YAE1: variants seen among roughly 807,000 people sequenced by gnomAD.
YAE1 encodes YAE1 maturation factor of ABCE1.
In YAE1, 22 loss-of-function variants were observed where a neutral mutation model predicts 23.0. The ratio of observed to expected loss-of-function variants is 0.96; its 90% CI spans 0.68 to 1.37. The LOEUF is 1.37. YAE1 is among the 40% of genes most tolerant of loss of function. YAE1 has a pLI of 0.00. For synonymous variants in YAE1, 101 were observed against 97.0 expected (o/e 1.04, Z -0.24); for missense variants, 260 against 262.1 (o/e 0.99, Z 0.06).
intron 2 of YAE1, among the ~76,000 whole-genome samples, chr7:39,587,403 A>T (rs974803252): frequency 1.3e-5 from 2 of 152,152 alleles, no homozygotes; most frequent in African/African-American, 4.8e-5. Context: ...AAAAAAAGAA[A>T]TCAAGTGTCC....
chr7:39,586,373 C>T (rs1176537669), intron 2 of YAE1, among the ~76,000 whole-genome samples: 1 of 150,114 alleles, frequency 6.7e-6, no homozygotes, highest in Non-Finnish European at 1.5e-5. Context: ...GGGGTTTCAC[C>T]GTGTTAGTCA....
At chr7:39,605,287 C>T (rs1791112924) in intron 2 of YAE1, among the ~76,000 whole-genome samples, 1 of 152,130 alleles carries the variant, frequency 6.6e-6, no homozygotes, top group Non-Finnish European at 1.5e-5. Flanking sequence ...GTCATCTTGG[C>T]TGAGCCATAA....
chr7:39,570,058 C>G, intron 1 of YAE1: 1 of 1,287,306 alleles, frequency 7.8e-7, no homozygotes, highest in Non-Finnish European at 1.1e-6. Context: ...ATTGTATCAT[C>G]CAGCCTCCTT....
At chr7:39,600,457 G>T (rs1274717499) in intron 2 of YAE1, among the ~76,000 whole-genome samples, 1 of 151,990 alleles carries the variant, frequency 6.6e-6, no homozygotes, top group Non-Finnish European at 1.5e-5. Flanking sequence ...GAGTGCAGTG[G>T]CACTATCTCA....
chr7:39,580,633 T>C (rs1320914036), intron 2 of YAE1, among the ~76,000 whole-genome samples: 1 of 152,198 alleles, frequency 6.6e-6, no homozygotes, highest in Non-Finnish European at 1.5e-5. Flanking sequence ...TTAGCACGTG[T>C]TTCATTCCTT....
chr7:39,603,103 G>A (rs1246184802), intron 2 of YAE1, among the ~76,000 whole-genome samples: 1 of 151,932 alleles, frequency 6.6e-6, no homozygotes, highest in African/African-American at 2.4e-5. Context: ...AAGACCCAAA[G>A]TAGATGGCCT....
At position 39,572,321 on chromosome 7, in the gene YAE1, T is replaced by C. The variant is rs138927441; in HGVS notation, c.296T>C (p.Leu99Ser). The C allele has an allele frequency of 4.3e-3, 6,891 of 1,613,912 alleles. 15 individuals are homozygous for C. Among genetic ancestry groups the C allele is most frequent in the Non-Finnish European group, 4.9e-3 (5,750 of 1,179,880 alleles). Reference protein sequence around the residue: ...WCHLHNNNSTLINKINNLLDA... With the variant: ...WCHLHNNNSTSINKINNLLDA... ...CACCTTCATAATAATAATTCAACTT[T>C]GATCAATAAAATAAACAATCTTCTG... The change falls in exon 3 of 3, where the codon TTG (leucine) becomes TCG (serine). Residue 99 changes from leucine (L) to serine (S), a missense_variant. Transcript: ENST00000223273.
Position 39,572,271 on chromosome 7 carries a change from G to A in YAE1, c.252-6G>A, listed in dbSNP as rs776666440. On this transcript the variant is annotated splice_region_variant and splice_polypyrimidine_tract_variant and intron_variant, in intron 2 of 2. Coordinates refer to ENST00000223273, the MANE Select transcript of YAE1 (RefSeq NM_020192.5). Reference sequence around the variant, plus strand: ...CTATTTAACCCTTGTTTATACTTTTGTTCAGTGCTTTGCTCTCCTGGTGTC... The same window carrying A: ...CTATTTAACCCTTGTTTATACTTTTATTCAGTGCTTTGCTCTCCTGGTGTC... 1 of 1,599,742 alleles carries A rather than the reference G, an allele frequency of 6.3e-7. No homozygotes were observed. Among genetic ancestry groups the A allele is most frequent in the Non-Finnish European group, 8.5e-7 (1 of 1,172,506 alleles).
chr7:39,587,322 G>C (rs1429729856), intron 2 of YAE1, among the ~76,000 whole-genome samples: 1 of 151,876 alleles, frequency 6.6e-6, no homozygotes, highest in Admixed American at 6.6e-5. Flanking sequence ...CTCCCAATGT[G>C]CTGGGATTAC....
At chr7:39,594,572 A>G (rs1347266611) in intron 2 of YAE1, among the ~76,000 whole-genome samples, 1 of 151,774 alleles carries the variant, frequency 6.6e-6, no homozygotes, top group Non-Finnish European at 1.5e-5. Context: ...TTGGTCTGAT[A>G]CATGCTACTC....
chr7:39,606,180 CT>C (rs1376117629), intron 2 of YAE1, among the ~76,000 whole-genome samples: 1 of 150,646 alleles, frequency 6.6e-6, no homozygotes, highest in Non-Finnish European at 1.5e-5. Context: ...ATTTTTTGTG[CT>C]CAAAAAAAAT....
At chr7:39,609,978 C>T in exon 3 of YAE1, 1 of 1,518,750 alleles carries the variant, frequency 6.6e-7, no homozygotes, top group Non-Finnish European at 8.8e-7. Context: ...CAGAGGTGGA[C>T]ACATTTAGAA....
At chr7:39,589,607 G>C (rs1453130714) in intron 2 of YAE1, among the ~76,000 whole-genome samples, 1 of 152,100 alleles carries the variant, frequency 6.6e-6, no homozygotes, top group Non-Finnish European at 1.5e-5. Flanking sequence ...ATTTAAATTT[G>C]TATTTCTCAT....
chr7:39,598,775 G>A (rs188014223), intron 2 of YAE1, among the ~76,000 whole-genome samples: 141 of 140,000 alleles, frequency 1.0e-3, no homozygotes, highest in African/African-American at 3.5e-3. Context: ...AGACCCTGAG[G>A]TCCTGTCTCA....
chr7:39,574,451 C>T (rs941101942), downstream of YAE1, among the ~76,000 whole-genome samples: 2 of 151,594 alleles, frequency 1.3e-5, no homozygotes, highest in South Asian at 2.1e-4. Context: ...GAAAAAAATC[C>T]GCTGGGTGCA....
chr7:39,575,389 A>G (rs1048361174), downstream of YAE1, among the ~76,000 whole-genome samples: 8 of 152,134 alleles, frequency 5.3e-5, no homozygotes, highest in Non-Finnish European at 1.2e-4. Context: ...CTGCGTCCTT[A>G]CCTAATATAT....
At chr7:39,580,946 C>A (rs1178810187) in intron 2 of YAE1, among the ~76,000 whole-genome samples, 1 of 152,164 alleles carries the variant, frequency 6.6e-6, no homozygotes, top group Non-Finnish European at 1.5e-5. Context: ...AGCCTTCAAT[C>A]AGAAGCAATG....
At chr7:39,571,579 T>C (rs1236760420) in intron 2 of YAE1, among the ~76,000 whole-genome samples, 1 of 152,194 alleles carries the variant, frequency 6.6e-6, no homozygotes, top group South Asian at 2.1e-4. Flanking sequence ...ATGTGAATAT[T>C]CACATCATCA....
intron 2 of YAE1, among the ~76,000 whole-genome samples, chr7:39,591,504 A>G (rs1450109762): frequency 6.6e-6 from 1 of 151,792 alleles, no homozygotes; most frequent in Non-Finnish European, 1.5e-5. Context: ...TTCTTGAAGG[A>G]TTTTTTAAAA....
Sources: allele counts gnomAD v4.1 joint callset (sites outside exome capture counted in the v4.1 genomes callset), GRCh38; gene constraint gnomAD v4.1.1; transcripts MANE v1.5; gene names NCBI Gene and HGNC (gene_info 2026-07-23, HGNC 2026-07-21).